MOV10L1: variants seen among roughly 807,000 people sequenced by gnomAD.
MOV10L1 encodes Mov10 like RNA helicase 1.
Under a neutral mutation model 143.8 loss-of-function variants are expected in MOV10L1, and 110 were observed. The ratio of observed to expected loss-of-function variants is 0.76; its 90% CI spans 0.66 to 0.90. The LOEUF is 0.90. Ranked by LOEUF, MOV10L1 falls within the 40% of genes least tolerant of loss-of-function variation. MOV10L1 has a pLI of 0.00. For missense variants in MOV10L1, 1,406 were observed against 1,526.8 expected (o/e 0.92, Z 1.32); for synonymous variants, 593 against 581.1 (o/e 1.02, Z -0.29).
intron 2 of MOV10L1, among the ~76,000 whole-genome samples, chr22:50,097,498 T>C (rs4838800): frequency 0.22 from 34,080 of 152,144 alleles, 4,181 homozygotes; most frequent in Admixed American, 0.35. Context: ...TTCCCAGCAC[T>C]ATTTTTTTTT....
chr22:50,115,326 C>A, intron 8 of MOV10L1, 80 bp downstream of exon 8: 1 of 1,392,186 alleles, frequency 7.2e-7, no homozygotes, highest in Non-Finnish European at 9.3e-7. Flanking sequence ...AAAAGGTACT[C>A]CTTTGTGGCG....
chr22:50,144,131 T>C lies in MOV10L1; in HGVS notation c.2393T>C (p.Val798Ala), dbSNP rs1363425613. The C allele has an allele frequency of 6.2e-7, 1 of 1,612,456 alleles. No homozygotes were observed. Among genetic ancestry groups the C allele is most frequent in the Admixed American group, 1.7e-5 (1 of 60,002 alleles). The change falls in exon 18 of 27, where the codon GTC (valine) becomes GCC (alanine). Residue 798 changes from valine to alanine, a missense_variant. Transcript: ENST00000262794. The part of the protein sequence containing the change: ...HFALPDSRIL[V>A]CAPSNSAADL... ...GCCTTGCCGGACAGTCGGATTTTAG[T>C]CTGTGCGCCCTCCAACAGTGCTGCT...
At chr22:50,101,955 A>G (rs1168038363) in intron 3 of MOV10L1, among the ~76,000 whole-genome samples, 1 of 152,228 alleles carries the variant, frequency 6.6e-6, no homozygotes, top group Non-Finnish European at 1.5e-5. Context: ...CCCTGCTAAC[A>G]GGAAGCCCCT....
Position 50,099,601 on chromosome 22 carries a change from A to AGGTATGCTCAGG in MOV10L1, c.442+3_442+14dup. The AGGTATGCTCAGG allele has an allele frequency of 6.2e-7, 1 of 1,607,378 alleles. No homozygotes were observed. The highest frequency in any genetic ancestry group is 8.5e-7 in the Non-Finnish European group (1 of 1,174,368). ...ACTTCTCTCTGGAGAGTGTGTGCGA[A>AGGTATGCTCAGG]GGTATGCTCAGGGGTCTGTGTTCCA... is the stretch of plus-strand genomic sequence containing the variant. On this transcript the variant is annotated inframe_insertion and splice_region_variant, in exon 3 of 27. Coordinates refer to ENST00000262794, the MANE Select transcript of MOV10L1 (RefSeq NM_018995.3).
chr22:50,115,349 G>A (rs1002209342), intron 8 of MOV10L1, 103 bp downstream of exon 8: 10 of 1,311,728 alleles, frequency 7.6e-6, no homozygotes, highest in Middle Eastern at 5.4e-4. Context: ...TGGATCACCT[G>A]AGACCAGGAG....
Position 50,108,749 on chromosome 22 carries a change from A to G in MOV10L1, c.648A>G (p.Thr216=). Residue 216 remains threonine (T), a synonymous_variant, in exon 5 of 27, where the codon ACA becomes ACG. Coordinates refer to ENST00000262794, the MANE Select transcript of MOV10L1 (RefSeq NM_018995.3). ...CCTTGAAACTGCCAGATGGGTACAC[A>G]CCCCGGAGAGGTGACGTGGTCAATG... ...LDSLKLPDGY[T]PRRGDVVNAV... 2 of 1,614,050 alleles carry G rather than the reference A, an allele frequency of 1.2e-6. No individual in the cohort carries two copies. The highest frequency in any genetic ancestry group is 1.7e-6 in the Non-Finnish European group (2 of 1,180,016).
chr22:50,153,633 G>A (rs1405611099), intron 22 of MOV10L1, among the ~76,000 whole-genome samples: 1 of 152,206 alleles, frequency 6.6e-6, no homozygotes, highest in Non-Finnish European at 1.5e-5. Context: ...TCAGGAGAGA[G>A]CCCGGCAGGG....
intron 9 of MOV10L1, 135 bp from the exon 10 acceptor site, chr22:50,120,367 A>C: frequency 1.6e-6 from 1 of 622,202 alleles, no homozygotes; most frequent in Non-Finnish European, 2.8e-6. Flanking sequence ...TAGACCAGCT[A>C]TTCATATATC....
chr22:50,123,557 G>A (rs1043713200), intron 10 of MOV10L1, among the ~76,000 whole-genome samples: 2 of 152,160 alleles, frequency 1.3e-5, no homozygotes, highest in African/African-American at 4.8e-5. Context: ...GCTGAATTTT[G>A]TGTGCTAGTA....
In MOV10L1 at chr22:50,161,597, C is replaced by A; in HGVS notation, c.*148C>A. The A allele has an allele frequency of 2.7e-6, 2 of 746,584 alleles. No individual in the cohort carries two copies. The highest frequency in any genetic ancestry group is 4.2e-6 in the Non-Finnish European group (2 of 472,342). 46.2% of individuals were successfully genotyped at this position (746,584 alleles called of 1,614,324 possible). A position where few individuals can be genotyped will look rare whatever the true frequency, so the allele number is the denominator to read the frequency against. On this transcript the variant is annotated 3_prime_UTR_variant, in exon 27 of 27. Transcript: ENST00000262794. Reference sequence around the variant, plus strand: ...GGGGCTGCCAGGTTGGACGCAGCTGCTGCTGCCCTGACTTTGGCATATGCC... The same window carrying A: ...GGGGCTGCCAGGTTGGACGCAGCTGATGCTGCCCTGACTTTGGCATATGCC...
At chr22:50,117,026 T>A in intron 8 of MOV10L1, 131 bp from the exon 9 acceptor site, 2 of 846,196 alleles carry the variant, frequency 2.4e-6, no homozygotes, top group South Asian at 4.0e-5. Flanking sequence ...CTTTTTTCTC[T>A]GTAAAAAGAA....
chr22:50,116,089 A>G (rs1467845535), intron 8 of MOV10L1, among the ~76,000 whole-genome samples: 1 of 152,134 alleles, frequency 6.6e-6, no homozygotes, highest in Non-Finnish European at 1.5e-5. Context: ...GTCTAATTCT[A>G]AATTTTTTGA....
chr22:50,128,540 C>CTTTTTT (rs36022529), intron 13 of MOV10L1, 33 bp downstream of exon 13: 14 of 487,880 alleles, frequency 2.9e-5, no homozygotes, highest in South Asian at 1.2e-4. Context: ...TTTCAAATGT[C>CTTTTTT]TTTTTTTTTT....
intron 15 of MOV10L1, among the ~76,000 whole-genome samples, chr22:50,135,144 G>T (rs1253748663): frequency 6.6e-6 from 1 of 151,860 alleles, no homozygotes; most frequent in Non-Finnish European, 1.5e-5. Context: ...CTCCAGAGTA[G>T]CTAGGACTAC....
intron 10 of MOV10L1, among the ~76,000 whole-genome samples, chr22:50,122,813 C>T (rs1398509272): frequency 6.7e-6 from 1 of 148,900 alleles, no homozygotes; most frequent in East Asian, 2.0e-4. Context: ...GAGACAGGCT[C>T]TCCTGTCGCC....
chr22:50,119,666 C>T (rs769674633), intron 9 of MOV10L1, among the ~76,000 whole-genome samples: 29 of 150,012 alleles, frequency 1.9e-4, no homozygotes, highest in Non-Finnish European at 7.4e-5. Flanking sequence ...AAATACACCT[C>T]GCATGTGAGC....
At chr22:50,105,272 A>G (rs1375156272) in intron 3 of MOV10L1, among the ~76,000 whole-genome samples, 7 of 152,232 alleles carry the variant, frequency 4.6e-5, no homozygotes, top group Non-Finnish European at 8.8e-5. Flanking sequence ...TTCAGAGCCC[A>G]TAAGTGTTCA....
At chr22:50,135,988 G>A (rs1016357712) in intron 15 of MOV10L1, among the ~76,000 whole-genome samples, 2 of 152,046 alleles carry the variant, frequency 1.3e-5, no homozygotes, top group African/African-American at 4.8e-5. Flanking sequence ...TGTATAACAT[G>A]AATTTTTAAA....
chr22:50,101,912 G>A (rs2061754462), intron 3 of MOV10L1, among the ~76,000 whole-genome samples: 1 of 152,154 alleles, frequency 6.6e-6, no homozygotes, highest in African/African-American at 2.4e-5. Context: ...TCAGTTCTGG[G>A]GAAAGGCGCC....
Sources: allele counts gnomAD v4.1 joint callset (sites outside exome capture counted in the v4.1 genomes callset), GRCh38; gene constraint gnomAD v4.1.1; transcripts MANE v1.5; gene names NCBI Gene and HGNC (gene_info 2026-07-23, HGNC 2026-07-21).